BICD1: variants seen among roughly 807,000 people sequenced by gnomAD.
The protein encoded by BICD1 is BICD cargo adaptor 1, also known as protein bicaudal D homolog 1.
BICD1 carries 35 observed loss-of-function variants against 92.5 expected under a neutral mutation model. The ratio of observed to expected loss-of-function variants is 0.38; its 90% CI spans 0.29 to 0.50. The LOEUF is 0.50. BICD1 is among the 20% of genes least tolerant of loss of function. BICD1 has a pLI of 0.93. For synonymous variants in BICD1, 429 were observed against 465.1 expected (o/e 0.92, Z 1.00); for missense variants, 950 against 1,189.8 (o/e 0.80, Z 2.97).
chr12:32,269,992 C>T (rs56254678), intron 2 of BICD1, among the ~76,000 whole-genome samples: 7,097 of 151,574 alleles, frequency 0.047, 221 homozygotes, highest in Middle Eastern at 0.11. Flanking sequence ...CGTGGTGGCA[C>T]GTACCTATAG....
intron 8 of BICD1, 40 bp downstream of exon 8, chr12:32,339,019 T>C: frequency 6.5e-7 from 1 of 1,546,700 alleles, no homozygotes; most frequent in African/African-American, 1.4e-5. Context: ...TGCAAATGAT[T>C]AGTTGAATAG....
chr12:32,255,848 A>T (rs1282189719), intron 2 of BICD1, among the ~76,000 whole-genome samples: 1 of 152,200 alleles, frequency 6.6e-6, no homozygotes, highest in Non-Finnish European at 1.5e-5. Context: ...GCTTTGCTGG[A>T]TATGAAGACA....
chr12:32,248,079 T>TCAAA (rs201514318), intron 2 of BICD1, among the ~76,000 whole-genome samples: 1 of 151,586 alleles, frequency 6.6e-6, no homozygotes, highest in Non-Finnish European at 1.5e-5. Context: ...CGAGACTCCA[T>TCAAA]CAAACAAACA....
intron 2 of BICD1, among the ~76,000 whole-genome samples, chr12:32,221,252 A>G (rs1945512034): frequency 6.6e-6 from 1 of 150,776 alleles, no homozygotes; most frequent in South Asian, 2.1e-4. Context: ...ATAATAATAA[A>G]ATTAAAAATT....
chr12:32,308,322 A>G (rs1948285763), intron 4 of BICD1, among the ~76,000 whole-genome samples: 1 of 152,150 alleles, frequency 6.6e-6, no homozygotes, highest in Non-Finnish European at 1.5e-5. Flanking sequence ...GATGACCAGA[A>G]ACTCCCCATG....
chr12:32,345,582 G>A lies in BICD1; in HGVS notation c.2764+6603G>A, dbSNP rs141508995. ...CACAACCACAGACATTATGCATGCC[G>A]GTTTTTTTCACTTGATGTATCTGGG... On this transcript the variant is annotated intron_variant, in intron 8 of 9. Transcript: ENST00000652176. Among the ~76,000 whole-genome samples the A allele has an allele frequency of 9.8e-4, 149 of 152,010 alleles. No individual in the cohort carries two copies. In the Middle Eastern group the frequency reaches 0.01, roughly 10 times the overall value.
At chr12:32,151,381 G>A (rs952388268) in intron 1 of BICD1, among the ~76,000 whole-genome samples, 1 of 152,120 alleles carries the variant, frequency 6.6e-6, no homozygotes, top group Non-Finnish European at 1.5e-5. Flanking sequence ...TACTCACCAG[G>A]TGCAACTTGT....
chr12:32,151,623 T>C (rs950601953), intron 1 of BICD1, among the ~76,000 whole-genome samples: 26 of 152,162 alleles, frequency 1.7e-4, no homozygotes, highest in Non-Finnish European at 7.4e-5. Context: ...CCAAACACAG[T>C]TGGTCAAATC....
intron 8 of BICD1, chr12:32,340,295 T>C (rs1938313205): frequency 1.0e-6 from 1 of 985,384 alleles, no homozygotes. Context: ...AGCCAAAATA[T>C]ACACCTAAGA....
chr12:32,187,689 A>G (rs554123219), intron 1 of BICD1, among the ~76,000 whole-genome samples: 2 of 152,248 alleles, frequency 1.3e-5, no homozygotes, highest in East Asian at 1.9e-4. Flanking sequence ...AGGAAAAAGA[A>G]AAAAGAAAAT....
At chr12:32,239,606 G>C (rs888454080) in intron 2 of BICD1, among the ~76,000 whole-genome samples, 9 of 151,108 alleles carry the variant, frequency 6.0e-5, no homozygotes, top group African/African-American at 1.9e-4. Context: ...AAGTGTTTTT[G>C]GTTTTGTTTT....
chr12:32,137,618 C>T (rs1942777026), intron 1 of BICD1, among the ~76,000 whole-genome samples: 1 of 152,018 alleles, frequency 6.6e-6, no homozygotes, highest in Non-Finnish European at 1.5e-5. Flanking sequence ...CATGTGCAAC[C>T]ATTGTTACTT....
intron 1 of BICD1, among the ~76,000 whole-genome samples, chr12:32,118,839 T>A (rs1224141617): frequency 1.3e-5 from 2 of 152,228 alleles, no homozygotes; most frequent in Non-Finnish European, 1.5e-5. Context: ...TTCAAAAATT[T>A]GTATTGAGTG....
chr12:32,187,674 A>G (rs1247433017), intron 1 of BICD1, among the ~76,000 whole-genome samples: 1 of 152,178 alleles, frequency 6.6e-6, no homozygotes, highest in East Asian at 1.9e-4. Flanking sequence ...TCCATATCAA[A>G]AAAAAGGAAA....
intron 1 of BICD1, among the ~76,000 whole-genome samples, chr12:32,184,902 AAT>A (rs984191775): frequency 1.1e-4 from 16 of 152,330 alleles, no homozygotes; most frequent in African/African-American, 3.6e-4. Flanking sequence ...TGTGGTTTTC[AAT>A]ATGATATGTT....
chr12:32,293,814 G>A (rs938534847), intron 2 of BICD1, among the ~76,000 whole-genome samples, 180 bp from the exon 3 acceptor site: 1 of 152,088 alleles, frequency 6.6e-6, no homozygotes, highest in South Asian at 2.1e-4. Flanking sequence ...GAATTGCTGG[G>A]TAATATATAT....
intron 2 of BICD1, among the ~76,000 whole-genome samples, chr12:32,263,517 G>A (rs1946911388): frequency 6.6e-6 from 1 of 150,878 alleles, no homozygotes; most frequent in South Asian, 2.1e-4. Context: ...CTGCACTCCA[G>A]CCTGGGTGAC....
intron 9 of BICD1, among the ~76,000 whole-genome samples, chr12:32,373,670 A>G (rs183504851): frequency 3.9e-4 from 60 of 151,978 alleles, no homozygotes; most frequent in African/African-American, 1.4e-3. Flanking sequence ...CAGGAGTTCG[A>G]GACTGTCATG....
At chr12:32,302,964 C>T (rs1054405371) in intron 3 of BICD1, among the ~76,000 whole-genome samples, 2 of 140,076 alleles carry the variant, frequency 1.4e-5, no homozygotes, top group Non-Finnish European at 3.0e-5. Flanking sequence ...GACAGGGCCT[C>T]ACTCTGCCAC....
Sources: allele counts gnomAD v4.1 joint callset (sites outside exome capture counted in the v4.1 genomes callset), GRCh38; gene constraint gnomAD v4.1.1; transcripts MANE v1.5; gene names NCBI Gene and HGNC (gene_info 2026-07-23, HGNC 2026-07-21).